The following CDH12 variants were observed in gnomAD, a reference collection of about 807,000 sequenced individuals.
The protein encoded by CDH12 is cadherin 12.
CDH12 carries 41 observed loss-of-function variants against 74.1 expected under a neutral mutation model. That is an observed-to-expected ratio of 0.55 (90% CI 0.43 to 0.72). The LOEUF (loss-of-function observed/expected upper bound fraction) is 0.72, where lower values mean the gene tolerates loss of function less well. Ranked by LOEUF, CDH12 falls within the 30% of genes least tolerant of loss-of-function variation. CDH12 has a pLI of 0.00. For synonymous variants in CDH12, 399 were observed against 355.0 expected (o/e 1.12, Z -1.39); for missense variants, 945 against 977.2 (o/e 0.97, Z 0.44).
intron 3 of CDH12, among the ~76,000 whole-genome samples, chr5:22,252,673 T>C (rs1450469717): frequency 6.6e-6 from 1 of 152,048 alleles, no homozygotes; most frequent in East Asian, 1.9e-4. Context: ...TCTTCAAGAT[T>C]ACTGCAACAG....
Position 21,751,899 on chromosome 5 carries a change from G to A in CDH12, c.2223C>T (p.Tyr741=), listed in dbSNP as rs138634556. The change falls in exon 15 of 15, where the codon TAC becomes TAT. Residue 741 remains tyrosine (Y), a synonymous_variant. Transcript: ENST00000382254. ...PPYDSLATYA[Y]EGSGSVAESL... ...ACTCTGCCACGGACCCACTCCCTTC[G>A]TAGGCATATGTGGCCAGTGAATCGT... is the stretch of plus-strand genomic sequence containing the variant. The A allele has an allele frequency of 1.9e-4, 308 of 1,614,054 alleles. No individual in the cohort carries two copies. In the African/African-American group the frequency reaches 3.2e-3, roughly 17 times the overall value.
At chr5:22,129,765 A>C (rs1746082937) in intron 4 of CDH12, among the ~76,000 whole-genome samples, 1 of 152,056 alleles carries the variant, frequency 6.6e-6, no homozygotes, top group South Asian at 2.1e-4. Flanking sequence ...CTGAGCTGTG[A>C]TTTAGTGGTA....
chr5:22,680,306 A>G (rs1741427191), intron 1 of CDH12, among the ~76,000 whole-genome samples: 1 of 152,140 alleles, frequency 6.6e-6, no homozygotes. Context: ...AATGAATGAA[A>G]TACATGAATT....
In CDH12 at chr5:21,759,406, TC is replaced by T. The variant is rs201875755; in HGVS notation, c.1633+1151del. 4.3e-3 allele frequency among the ~76,000 whole-genome samples: 651 copies of T among 151,610 alleles called. 6 individuals are homozygous for T. The highest frequency in any genetic ancestry group is 0.015 in the African/African-American group (625 of 41,272). On this transcript the variant is annotated intron_variant, in intron 13 of 14. Coordinates refer to ENST00000382254, the MANE Select transcript of CDH12 (RefSeq NM_004061.5). ...TTATAAACTATGCAAACCATGTCTC[TC>T]CCTCCCTCTAAATAAATAAATAAAT...
intron 1 of CDH12, among the ~76,000 whole-genome samples, chr5:22,604,530 A>T (rs1211318667): frequency 6.6e-6 from 1 of 152,240 alleles, no homozygotes; most frequent in Non-Finnish European, 1.5e-5. Context: ...GAAGGATATT[A>T]TCCCCTCCCT....
chr5:22,296,201 T>C (rs1737617344), intron 3 of CDH12, among the ~76,000 whole-genome samples: 1 of 152,004 alleles, frequency 6.6e-6, no homozygotes, highest in Admixed American at 6.6e-5. Context: ...ATGAACAAAT[T>C]AATTGTTGAT....
At chr5:22,719,936 G>T (rs1484273180) in intron 1 of CDH12, among the ~76,000 whole-genome samples, 1 of 152,050 alleles carries the variant, frequency 6.6e-6, no homozygotes, top group African/African-American at 2.4e-5. Flanking sequence ...CAGCTTCTTT[G>T]CTTCCTCCAA....
chr5:21,872,688 C>A (rs879512152), intron 6 of CDH12, among the ~76,000 whole-genome samples: 7 of 152,168 alleles, frequency 4.6e-5, no homozygotes, highest in Admixed American at 1.3e-4. Flanking sequence ...TGTTAAGGAC[C>A]AGTTCCTGTG....
chr5:22,693,769 T>A (rs1006363060), intron 1 of CDH12, among the ~76,000 whole-genome samples: 1 of 152,016 alleles, frequency 6.6e-6, no homozygotes, highest in East Asian at 1.9e-4. Flanking sequence ...TATATATATA[T>A]ATGTATTATC....
At chr5:22,626,925 TA>T in intron 1 of CDH12, among the ~76,000 whole-genome samples, 1 of 151,908 alleles carries the variant, frequency 6.6e-6, no homozygotes, top group African/African-American at 2.4e-5. Flanking sequence ...TGAGAGAACT[TA>T]AAAAAAACAC....
intron 5 of CDH12, among the ~76,000 whole-genome samples, chr5:22,024,067 T>G (rs1313341104): frequency 6.6e-6 from 1 of 151,986 alleles, no homozygotes; most frequent in Non-Finnish European, 1.5e-5. Context: ...CATGGGGAGG[T>G]GATTTGAGTA....
At chr5:22,778,978 AGGC>A (rs1236856119) in intron 1 of CDH12, among the ~76,000 whole-genome samples, 2 of 152,172 alleles carry the variant, frequency 1.3e-5, no homozygotes, top group East Asian at 3.8e-4. Flanking sequence ...AAAGATATAA[AGGC>A]TGTCCAGAAT....
intron 6 of CDH12, among the ~76,000 whole-genome samples, chr5:21,953,074 T>A (rs1213236230): frequency 6.6e-6 from 1 of 150,822 alleles, no homozygotes; most frequent in Admixed American, 6.6e-5. Flanking sequence ...GACCTAGGAG[T>A]GATTGAGAGT....
chr5:22,408,890 AT>A (rs1298396853), intron 2 of CDH12, among the ~76,000 whole-genome samples: 12 of 151,900 alleles, frequency 7.9e-5, no homozygotes, highest in Non-Finnish European at 1.6e-4. Flanking sequence ...AATTAAGTGA[AT>A]TTTTTGCAGT....
At chr5:22,676,305 C>T (rs989696587) in intron 1 of CDH12, among the ~76,000 whole-genome samples, 14 of 152,272 alleles carry the variant, frequency 9.2e-5, no homozygotes, top group East Asian at 1.9e-4. Context: ...TATTAGTTTA[C>T]AGCCCTAAAT....
chr5:22,679,248 G>T (rs1021119834), intron 1 of CDH12, among the ~76,000 whole-genome samples: 1 of 152,114 alleles, frequency 6.6e-6, no homozygotes, highest in Admixed American at 6.6e-5. Context: ...ATGAAGAAAA[G>T]TGGAAAATTT....
intron 2 of CDH12, among the ~76,000 whole-genome samples, chr5:22,460,713 ATTT>A (rs3039460): frequency 2.3e-5 from 2 of 85,620 alleles, no homozygotes; most frequent in Admixed American, 1.8e-4. Flanking sequence ...ATATCTAGCA[ATTT>A]TTTTTTTTTT....
intron 1 of CDH12, among the ~76,000 whole-genome samples, chr5:22,542,882 T>A (rs1461412928): frequency 3.9e-5 from 6 of 152,138 alleles, no homozygotes; most frequent in African/African-American, 1.4e-4. Flanking sequence ...GACAGTCACA[T>A]TTAAATAGGC....
chr5:22,582,635 A>T (rs1239021894), intron 1 of CDH12, among the ~76,000 whole-genome samples: 1 of 152,220 alleles, frequency 6.6e-6, no homozygotes, highest in African/African-American at 2.4e-5. Flanking sequence ...AGTGAGAAAC[A>T]TTATTGTCAA....
Sources: allele counts gnomAD v4.1 joint callset (sites outside exome capture counted in the v4.1 genomes callset), GRCh38; gene constraint gnomAD v4.1.1; transcripts MANE v1.5; gene names NCBI Gene and HGNC (gene_info 2026-07-23, HGNC 2026-07-21).